CHRDL2: variants seen among roughly 807,000 people sequenced by gnomAD.
CHRDL2 encodes chordin-like protein 2.
A neutral mutation model predicts 54.3 loss-of-function variants in CHRDL2; 41 were observed. The ratio of observed to expected loss-of-function variants is 0.76; its 90% CI spans 0.59 to 0.98. The LOEUF is 0.98. Ranked by LOEUF, CHRDL2 falls within the 50% of genes least tolerant of loss-of-function variation. The pLI is 0.00. For missense variants in CHRDL2, 518 were observed against 562.4 expected (o/e 0.92, Z 0.80); for synonymous variants, 220 against 224.3 (o/e 0.98, Z 0.17).
chr11:74,704,976 T>A (rs1018571313), intron 6 of CHRDL2, among the ~76,000 whole-genome samples: 30 of 152,184 alleles, frequency 2.0e-4, no homozygotes, highest in Non-Finnish European at 1.8e-4. Context: ...CAGACGTAAC[T>A]GATCAGGGAG....
In CHRDL2 at chr11:74,704,511, G is replaced by A. The variant is rs754375233; in HGVS notation, c.726C>T (p.Ile242=). The part of the protein sequence containing the change: ...PKGAGSTTVK[I]VLKEKHKKAC... The stretch of plus-strand genomic sequence containing the variant: ...CTTTCTTATGTTTCTCCTTCAGGAC[G>A]ATCTTGACAGTTGTGCTGCCTGCTC... The change falls in exon 7 of 11, where the codon ATC becomes ATT. Residue 242 remains isoleucine (I), a synonymous_variant. Coordinates refer to ENST00000376332, the MANE Select transcript of CHRDL2 (RefSeq NM_001278473.3). 35 of 1,583,524 alleles carry A rather than the reference G, an allele frequency of 2.2e-5. No individual in the cohort carries two copies. In the South Asian group the frequency reaches 2.2e-4, roughly 10 times the overall value.
At chr11:74,721,056 A>G (rs1490118919) in intron 1 of CHRDL2, among the ~76,000 whole-genome samples, 1 of 152,192 alleles carries the variant, frequency 6.6e-6, no homozygotes, top group African/African-American at 2.4e-5. Context: ...AGGAGCGATT[A>G]AAGTTCGCCT....
intron 6 of CHRDL2, 23 bp downstream of exon 6, chr11:74,706,464 C>T (rs541902352): frequency 1.9e-5 from 31 of 1,613,194 alleles, no homozygotes; most frequent in South Asian, 1.5e-4. Context: ...TCCCGCACCC[C>T]GTCAATAAGG....
chr11:74,722,430 A>G (rs1479175742), intron 1 of CHRDL2, among the ~76,000 whole-genome samples: 2 of 152,176 alleles, frequency 1.3e-5, no homozygotes, highest in East Asian at 3.8e-4. Flanking sequence ...CTCTGTTTCC[A>G]CATCTATTAA....
chr11:74,706,273 C>A (rs2034006269), intron 6 of CHRDL2, among the ~76,000 whole-genome samples: 1 of 152,076 alleles, frequency 6.6e-6, no homozygotes, highest in South Asian at 2.1e-4. Context: ...TGACCTGTTT[C>A]CCCCAGGCCA....
At chr11:74,701,762 C>T (rs2033819978) in intron 9 of CHRDL2, 1 of 549,584 alleles carries the variant, frequency 1.8e-6, no homozygotes, top group East Asian at 2.9e-5. Flanking sequence ...TTATTATTAT[C>T]ATTGTCATTT....
intron 1 of CHRDL2, among the ~76,000 whole-genome samples, chr11:74,721,037 G>A (rs908428049): frequency 2.0e-5 from 3 of 152,156 alleles, no homozygotes; most frequent in African/African-American, 7.2e-5. Context: ...TCCCAACTCC[G>A]CAAAGTGGAG....
At chr11:74,723,332 TC>T (rs1241141420) in intron 1 of CHRDL2, among the ~76,000 whole-genome samples, 2 of 151,824 alleles carry the variant, frequency 1.3e-5, no homozygotes, top group Admixed American at 1.3e-4. Flanking sequence ...AATACAGTAG[TC>T]CCCCCTCATC....
In CHRDL2 at chr11:74,710,971, G is replaced by A. The variant is rs763822239; in HGVS notation, c.310C>T (p.Leu104Phe). 1 of 1,613,998 alleles carries A rather than the reference G, an allele frequency of 6.2e-7. No homozygotes were observed. Among genetic ancestry groups the A allele is most frequent in the Non-Finnish European group, 8.5e-7 (1 of 1,179,958 alleles). ...KCVEPHTPSG[L>F]RAPPKSCQHN... ...TGGCAGGACTTTGGTGGGGCCCGGA[G>A]TCCAGAGGGAGTGTGAGGTTCTGCA... Residue 104 changes from leucine to phenylalanine, a missense_variant, in exon 4 of 11, where the codon CTC becomes TTC. Transcript: ENST00000376332.
Position 74,713,494 on chromosome 11 carries a change from A to G in CHRDL2, c.196-15T>C, listed in dbSNP as rs765771439. ...ACATGGGCGCCCTGAAGGGGACACA[A>G]GGGTCAGCCCTGGTTCAAAGAACCA... is the stretch of plus-strand genomic sequence containing the variant. On this transcript the variant is annotated splice_polypyrimidine_tract_variant and intron_variant, in intron 2 of 10. Transcript: ENST00000376332. 206 of 1,609,388 alleles carry G rather than the reference A, an allele frequency of 1.3e-4. No individual in the cohort carries two copies. Among genetic ancestry groups the G allele is most frequent in the Non-Finnish European group, 1.6e-4 (194 of 1,175,952 alleles).
intron 9 of CHRDL2, chr11:74,701,484 C>G (rs1478883642): frequency 4.7e-6 from 3 of 643,196 alleles, no homozygotes; most frequent in African/African-American, 1.8e-5. Context: ...GGCTGAACAG[C>G]TCCACTTTCT....
At chr11:74,720,502 C>T (rs1429402520) in intron 1 of CHRDL2, among the ~76,000 whole-genome samples, 2 of 152,134 alleles carry the variant, frequency 1.3e-5, no homozygotes, top group African/African-American at 4.8e-5. Flanking sequence ...GGCCTAAAGG[C>T]CTTCTTCTCT....
intron 9 of CHRDL2, among the ~76,000 whole-genome samples, chr11:74,702,252 C>CA (rs11302036): frequency 2.5e-4 from 35 of 141,674 alleles, no homozygotes; most frequent in African/African-American, 4.2e-4. Context: ...GACCCTGTCT[C>CA]AAAAAAAAAA....
In CHRDL2 at chr11:74,731,084, A is replaced by G. The variant is rs999382441; in HGVS notation, c.-196T>C. On this transcript the variant is annotated 5_prime_UTR_variant, in exon 1 of 11. Transcript: ENST00000376332. The surrounding 1 kb of genome is among the most constrained non-coding windows in gnomAD (Gnocchi z 4.4). ...GGAAGGGAGGTCTAAGGTGGGAAGA[A>G]GAGAAAGGTGGAAAGAGAACGCGGG... 7.2e-5 allele frequency: 42 copies of G among 586,400 alleles called. No individual in the cohort carries two copies. The highest frequency in any genetic ancestry group is 1.1e-4 in the Non-Finnish European group (35 of 328,928). The allele number at this position is 586,400 out of a possible 1,614,324, so 36.3% of individuals were successfully genotyped here. A position where few individuals can be genotyped will look rare whatever the true frequency, so the allele number is the denominator to read the frequency against.
intron 9 of CHRDL2, 58 bp from the exon 10 acceptor site, chr11:74,697,355 G>T: frequency 8.1e-7 from 1 of 1,240,470 alleles, no homozygotes; most frequent in Non-Finnish European, 1.2e-6. Flanking sequence ...TCGGTGAAAA[G>T]TGAAACAGGG....
intron 1 of CHRDL2, among the ~76,000 whole-genome samples, chr11:74,719,813 C>T (rs2034462277): frequency 6.6e-6 from 1 of 152,136 alleles, no homozygotes; most frequent in South Asian, 2.1e-4. Context: ...GCCTTTCTCA[C>T]CTCCCATAAC....
At chr11:74,703,530 T>A in intron 7 of CHRDL2, 31 bp from the exon 8 acceptor site, 8 of 1,484,530 alleles carry the variant, frequency 5.4e-6, no homozygotes, top group Non-Finnish European at 6.4e-6. Context: ...GGAAGGAGGA[T>A]CAGGGCCTCA....
chr11:74,716,162 C>A (rs780846881), intron 2 of CHRDL2, among the ~76,000 whole-genome samples: 11 of 152,054 alleles, frequency 7.2e-5, no homozygotes, highest in Non-Finnish European at 1.0e-4. Context: ...GTGGAGGAAA[C>A]AAGTTGGAAT....
chr11:74,704,674 T>G lies in CHRDL2; in HGVS notation c.583-20A>C. The stretch of plus-strand genomic sequence containing the variant: ...ATGTCTCTGCAAATGGCAGGAAGGA[T>G]GAAAGTCACTGACTGAGCATAGCAG... On this transcript the variant is annotated intron_variant, in intron 6 of 10. Coordinates refer to ENST00000376332, the MANE Select transcript of CHRDL2 (RefSeq NM_001278473.3). 2 of 1,599,232 alleles carry G rather than the reference T, an allele frequency of 1.3e-6. No homozygotes were observed. Among genetic ancestry groups the G allele is most frequent in the Non-Finnish European group, 1.7e-6 (2 of 1,174,186 alleles).
Sources: allele counts gnomAD v4.1 joint callset (sites outside exome capture counted in the v4.1 genomes callset), GRCh38; gene constraint gnomAD v4.1.1; non-coding constraint Gnocchi (gnomAD v3.1); transcripts MANE v1.5; gene names NCBI Gene and HGNC (gene_info 2026-07-23, HGNC 2026-07-21).